The following ATP11A variants were observed in gnomAD, a reference collection of about 807,000 sequenced individuals.
ATP11A encodes the protein ATPase phospholipid transporting 11A.
In ATP11A, 81 loss-of-function variants were observed where a neutral mutation model predicts 154.4. That is an observed-to-expected ratio of 0.52 (90% CI 0.44 to 0.63). The LOEUF is 0.63. Ranked by LOEUF, ATP11A falls within the 30% of genes least tolerant of loss-of-function variation. The pLI, the probability that ATP11A is intolerant of heterozygous loss-of-function variation, is 0.00. For missense variants in ATP11A, 1,316 were observed against 1,474.3 expected, an observed-to-expected ratio of 0.89 and a Z score of 1.76; for synonymous variants, 623 against 585.9, an observed-to-expected ratio of 1.06 and a Z score of -0.91.
At chr13:112,819,273 C>T (rs765333402) in intron 6 of ATP11A, 31 bp from the exon 7 acceptor site, 4 of 1,588,906 alleles carry the variant, frequency 2.5e-6, no homozygotes, top group South Asian at 2.2e-5. Context: ...ACCGTTTTGG[C>T]GGTGAGCTCA....
chr13:112,882,539 G>A lies in ATP11A; in HGVS notation c.*673G>A, dbSNP rs1410343885. The A allele has an allele frequency of 2.3e-5, 10 of 429,300 alleles. No individual in the cohort carries two copies. Among genetic ancestry groups the A allele is most frequent in the African/African-American group, 1.0e-4 (5 of 49,564 alleles). The allele number at this position is 429,300 out of a possible 1,614,324, so 26.6% of individuals were successfully genotyped here. On this transcript the variant is annotated 3_prime_UTR_variant, in exon 30 of 30. Coordinates refer to ENST00000375645, the MANE Select transcript of ATP11A (RefSeq NM_015205.3). This position sits in a 1 kb window ranked among gnomAD's most constrained non-coding sequence, Gnocchi z 5.1. The stretch of plus-strand genomic sequence containing the variant: ...ATACCATCATCCCTGCGGATGCACC[G>A]CCGTACCCTGCTCATCTGGGAGTGG...
At chr13:112,777,278 C>G (rs544698867) in intron 1 of ATP11A, among the ~76,000 whole-genome samples, 3 of 152,166 alleles carry the variant, frequency 2.0e-5, no homozygotes, top group Admixed American at 6.5e-5. Flanking sequence ...AAAAAAATAA[C>G]TAAGGCTGGG....
At chr13:112,768,239 A>G (rs1014876386) in intron 1 of ATP11A, among the ~76,000 whole-genome samples, 1 of 152,226 alleles carries the variant, frequency 6.6e-6, no homozygotes, top group Non-Finnish European at 1.5e-5. Flanking sequence ...AGGCAGCCCC[A>G]GGCGCCCGCC....
At position 112,791,287 on chromosome 13, in the gene ATP11A, C is replaced by T. The variant is rs75354910; in HGVS notation, c.162+6030C>T. On this transcript the variant is annotated intron_variant, in intron 2 of 29. Coordinates refer to ENST00000375645, the MANE Select transcript of ATP11A (RefSeq NM_015205.3). ...GGGTGATGGGCGTGTGGAACCGCGG[C>T]GCCCCCTGCACAGTGTGGCTCATTT... 2.3e-3 allele frequency among the ~76,000 whole-genome samples: 348 copies of T among 152,328 alleles called. 6 individuals carry two copies. The highest frequency in any genetic ancestry group is 0.021 in the Admixed American group (316 of 15,298).
At chr13:112,774,248 A>G (rs772733637) in intron 1 of ATP11A, among the ~76,000 whole-genome samples, 7 of 152,214 alleles carry the variant, frequency 4.6e-5, no homozygotes, top group Admixed American at 1.3e-4. Flanking sequence ...TACTTGTCAC[A>G]TCAGCTGATG....
Position 112,885,990 on chromosome 13 carries a change from C to T in ATP11A, c.*4124C>T, listed in dbSNP as rs9549598. ...AGCCTCGCAAGCTGAAACCTCCCCTCGGCTCAGCCCTATACCAGGCGGCCA... is the reference window on the plus strand; with the variant it reads ...AGCCTCGCAAGCTGAAACCTCCCCTTGGCTCAGCCCTATACCAGGCGGCCA... On this transcript the variant is annotated 3_prime_UTR_variant, in exon 30 of 30. Coordinates refer to ENST00000375645, the MANE Select transcript of ATP11A (RefSeq NM_015205.3). The T allele has an allele frequency of 0.07, 10,646 of 152,416 alleles. 656 individuals carry two copies. Among genetic ancestry groups the T allele is most frequent in the Admixed American group, 0.12 (1,904 of 15,310 alleles). The allele number at this position is 152,416 out of a possible 1,614,324, so 9.4% of individuals were successfully genotyped here.
At chr13:112,801,084 G>C (rs1271125320) in intron 2 of ATP11A, among the ~76,000 whole-genome samples, 3 of 151,182 alleles carry the variant, frequency 2.0e-5, no homozygotes, top group Non-Finnish European at 2.9e-5. Context: ...TGGAAAAAAG[G>C]CAAGAAATCC....
At chr13:112,865,867 C>T (rs759535755) in intron 25 of ATP11A, among the ~76,000 whole-genome samples, 1 of 152,244 alleles carries the variant, frequency 6.6e-6, no homozygotes, top group Non-Finnish European at 1.5e-5. Context: ...CTGAGGTTTT[C>T]AGACTTTATC....
chr13:112,845,765 G>A (rs373127953), intron 17 of ATP11A, among the ~76,000 whole-genome samples: 1,652 of 56,168 alleles, frequency 0.029, 49 homozygotes, highest in African/African-American at 0.12. Context: ...TCCAGTTGCC[G>A]GCACTAGCGG....
chr13:112,715,881 T>C (rs551692361), intron 1 of ATP11A, among the ~76,000 whole-genome samples: 3 of 151,988 alleles, frequency 2.0e-5, no homozygotes, highest in Admixed American at 2.0e-4. Flanking sequence ...GTGTATGGCC[T>C]TGAGGGCACC....
At chr13:112,815,449 C>T (rs1337377439) in intron 5 of ATP11A, among the ~76,000 whole-genome samples, 1 of 152,050 alleles carries the variant, frequency 6.6e-6, no homozygotes, top group Non-Finnish European at 1.5e-5. Flanking sequence ...TCTGCAATGC[C>T]TTCCTCATCC....
intron 1 of ATP11A, among the ~76,000 whole-genome samples, chr13:112,755,729 A>G (rs2076808546): frequency 6.6e-6 from 1 of 151,802 alleles, no homozygotes; most frequent in Non-Finnish European, 1.5e-5. Context: ...TCCCAGAACC[A>G]TTTCCGGTCA....
intron 12 of ATP11A, 142 bp from the exon 13 acceptor site, chr13:112,831,233 T>C (rs2079075442): frequency 2.3e-6 from 2 of 887,522 alleles, no homozygotes. Flanking sequence ...TGAGGGGGTC[T>C]GTCTGGGGGA....
At position 112,754,525 on chromosome 13, in the gene ATP11A, T is replaced by TC. The variant is rs2076771415; in HGVS notation, c.40-30610_40-30609insC. ...AAGCTGCATGCTTGGAAAGTGGTGC[T>TC]TAGAGCCAGGCAGGACTCACTGCGG... On this transcript the variant is annotated intron_variant, in intron 1 of 29. Transcript: ENST00000375645. The surrounding 1 kb of genome is among the most constrained non-coding windows in gnomAD (Gnocchi z 5.3). 1 of 101,082 alleles carries TC rather than the reference T, an allele frequency of 9.9e-6. No homozygotes were observed. The highest frequency in any genetic ancestry group is 7.1e-5 in the African/African-American group (1 of 14,172). 6.3% of individuals were successfully genotyped at this position (101,082 alleles called of 1,614,324 possible).
chr13:112,857,763 A>G, intron 20 of ATP11A, 55 bp from the exon 21 acceptor site: 2 of 1,411,406 alleles, frequency 1.4e-6, no homozygotes, highest in Non-Finnish European at 2.0e-6. Flanking sequence ...GTGAATGAAT[A>G]ACCTGTTCAG....
chr13:112,789,978 G>A (rs552709604), intron 2 of ATP11A, among the ~76,000 whole-genome samples: 90 of 147,214 alleles, frequency 6.1e-4, no homozygotes, highest in African/African-American at 2.3e-3. Flanking sequence ...GTGTCCTGGC[G>A]TGTAAACCCC....
intron 5 of ATP11A, 28 bp downstream of exon 5, chr13:112,810,754 G>A (rs1412145592): frequency 1.9e-6 from 3 of 1,592,684 alleles, no homozygotes; most frequent in Non-Finnish European, 2.6e-6. Flanking sequence ...CATTTACGCT[G>A]GTGAAGTCCA....
At chr13:112,743,403 TC>T (rs1231436388) in intron 1 of ATP11A, among the ~76,000 whole-genome samples, 1 of 141,750 alleles carries the variant, frequency 7.1e-6, no homozygotes, top group East Asian at 1.9e-4. Flanking sequence ...TGTTGTATGT[TC>T]CTGCAGGTTC....
chr13:112,761,526 T>A (rs1206732565), intron 1 of ATP11A, among the ~76,000 whole-genome samples: 1 of 152,174 alleles, frequency 6.6e-6, no homozygotes, highest in East Asian at 1.9e-4. Context: ...GTCCATAGGA[T>A]TCGGTACTCT....
Sources: allele counts gnomAD v4.1 joint callset (sites outside exome capture counted in the v4.1 genomes callset), GRCh38; gene constraint gnomAD v4.1.1; non-coding constraint Gnocchi (gnomAD v3.1); transcripts MANE v1.5; gene names NCBI Gene and HGNC (gene_info 2026-07-23, HGNC 2026-07-21).